The following SULF1 variants were observed in gnomAD, a reference collection of about 807,000 sequenced individuals.
SULF1 encodes extracellular sulfatase Sulf-1.
SULF1 carries 46 observed loss-of-function variants against 110.5 expected under a neutral mutation model. The ratio of observed to expected loss-of-function variants is 0.42; its 90% CI spans 0.33 to 0.53. The LOEUF (loss-of-function observed/expected upper bound fraction) is 0.53. SULF1 is among the 20% of genes least tolerant of loss of function. SULF1 has a pLI of 0.12. For missense variants in SULF1, 941 were observed against 1,094.2 expected, an observed-to-expected ratio of 0.86 and a Z score of 1.98; for synonymous variants, 371 against 387.1, an observed-to-expected ratio of 0.96 and a Z score of 0.49.
Position 69,599,915 on chromosome 8 carries a change from C to G in SULF1, c.735-688C>G, listed in dbSNP as rs192483340. On this transcript the variant is annotated intron_variant, in intron 8 of 22. Transcript: ENST00000402687. The stretch of plus-strand genomic sequence containing the variant: ...TAAATATAGACTTGAACTAACCTAT[C>G]CTGGAACAATAGGACAATATCCTTG... 1.1e-4 allele frequency among the ~76,000 whole-genome samples: 17 copies of G among 152,222 alleles called. No individual in the cohort carries two copies. The East Asian group carries it at 2.9e-3, about 26-fold the overall frequency.
Position 69,604,843 on chromosome 8 carries a change from C to T in SULF1, c.1288C>T (p.Gln430Ter). The change falls in exon 13 of 23, where the codon CAA becomes TAA. Residue 430 changes from glutamine (Q) to a stop codon, truncating the protein, a stop_gained. Transcript: ENST00000402687. LOFTEE classifies it high-confidence loss of function. ...GAAGGAAGAATCCAGCAAGAATATC[C>T]AACAGTCAAATCACTTGCCCAAATA... ...RKKEESSKNI[Q>*]QSNHLPKYER... The T allele has an allele frequency of 6.2e-7, 1 of 1,614,052 alleles. No homozygotes were observed. Among genetic ancestry groups the T allele is most frequent in the Non-Finnish European group, 8.5e-7 (1 of 1,180,004 alleles).
At chr8:69,637,397 C>T (rs766893652) in intron 19 of SULF1, among the ~76,000 whole-genome samples, 3 of 152,162 alleles carry the variant, frequency 2.0e-5, no homozygotes, top group Non-Finnish European at 2.9e-5. Context: ...GAGTTGTCTC[C>T]GCTGCTTTAC....
At chr8:69,628,334 C>T (rs767465308) in intron 18 of SULF1, 98 bp downstream of exon 18, 88 of 1,012,852 alleles carry the variant, frequency 8.7e-5, no homozygotes, top group Middle Eastern at 2.1e-4. Context: ...CCTGCAGTGC[C>T]GCTTCAGAAG....
intron 5 of SULF1, among the ~76,000 whole-genome samples, chr8:69,575,136 CT>C (rs1805510081): frequency 6.6e-6 from 1 of 151,530 alleles, no homozygotes; most frequent in African/African-American, 2.4e-5. Context: ...CTGGCCTGTG[CT>C]TTTCTGCAGT....
At chr8:69,619,979 C>T (rs1046495345) in intron 13 of SULF1, among the ~76,000 whole-genome samples, 5 of 152,154 alleles carry the variant, frequency 3.3e-5, no homozygotes, top group Admixed American at 6.5e-5. Context: ...GACAGCTTTC[C>T]GTATTCCAAG....
chr8:69,622,788 T>C (rs1027957222), intron 14 of SULF1, among the ~76,000 whole-genome samples: 1 of 152,256 alleles, frequency 6.6e-6, no homozygotes, highest in East Asian at 1.9e-4. Context: ...TCAAACTGTA[T>C]GGAATCTTGT....
Position 69,616,227 on chromosome 8 carries a change from TATA to T in SULF1, c.1378-4807_1378-4805del, listed in dbSNP as rs1563590523. 2.4e-3 allele frequency among the ~76,000 whole-genome samples: 315 copies of T among 129,828 alleles called. 6 individuals carry two copies. In the East Asian group the frequency reaches 0.03, roughly 12 times the overall value. 85.2% of individuals were successfully genotyped at this position (129,828 alleles called of 152,430 possible). A position where few individuals can be genotyped will look rare whatever the true frequency, so the allele number is the denominator to read the frequency against. On this transcript the variant is annotated intron_variant, in intron 13 of 22. Coordinates refer to ENST00000402687, the MANE Select transcript of SULF1 (RefSeq NM_001128205.2). ...ATGTGTGTGTATATATATATATATA[TATA>T]TTTTTTTGAGACGGAGTCTTGCTCT...
intron 11 of SULF1, 86 bp downstream of exon 11, chr8:69,603,406 G>C: frequency 6.3e-7 from 1 of 1,598,084 alleles, no homozygotes; most frequent in Non-Finnish European, 8.6e-7. Context: ...TGAAGACATG[G>C]AGGCAGAATA....
chr8:69,516,474 T>C (rs1354560315), intron 3 of SULF1, among the ~76,000 whole-genome samples: 1 of 152,082 alleles, frequency 6.6e-6, no homozygotes, highest in African/African-American at 2.4e-5. Flanking sequence ...AATTACCGCC[T>C]ACCAGGCCCC....
intron 2 of SULF1, among the ~76,000 whole-genome samples, chr8:69,497,898 A>G (rs1004712838): frequency 6.6e-6 from 1 of 152,208 alleles, no homozygotes; most frequent in Admixed American, 6.5e-5. Flanking sequence ...ATCAAGCTTA[A>G]CTTCTCGATA....
chr8:69,600,559 T>A, intron 8 of SULF1, 44 bp from the exon 9 acceptor site: 1 of 1,521,776 alleles, frequency 6.6e-7, no homozygotes. Context: ...CCTAAAAGAC[T>A]AAGTAAGAAA....
At chr8:69,657,978 G>A (rs1812853348) in intron 22 of SULF1, among the ~76,000 whole-genome samples, 1 of 152,200 alleles carries the variant, frequency 6.6e-6, no homozygotes, top group South Asian at 2.1e-4. Flanking sequence ...TTGATTTGAA[G>A]AGCTTAATTG....
intron 13 of SULF1, among the ~76,000 whole-genome samples, chr8:69,618,691 A>G (rs1194088221): frequency 6.6e-6 from 1 of 152,236 alleles, no homozygotes; most frequent in Non-Finnish European, 1.5e-5. Flanking sequence ...ATATGGCTTG[A>G]AACAACCAAA....
Position 69,526,611 on chromosome 8 carries a change from A to AAAG in SULF1, c.-134+24645_-134+24646insGAA, listed in dbSNP as rs1554570776. ...ACAGTATCTCTACCAAAAAAAAAAAAAAAGAAAGAAAGAAAGAAAGAAAAG... is the reference window on the plus strand; with the variant it reads ...ACAGTATCTCTACCAAAAAAAAAAAAAAGAAAGAAAGAAAGAAAGAAAGAAAAG... On this transcript the variant is annotated intron_variant, in intron 3 of 22. Coordinates refer to ENST00000402687, the MANE Select transcript of SULF1 (RefSeq NM_001128205.2). 7.5e-3 allele frequency among the ~76,000 whole-genome samples: 1,026 copies of AAAG among 135,924 alleles called. 18 individuals carry two copies. Among genetic ancestry groups the AAAG allele is most frequent in the African/African-American group, 0.029 (914 of 32,042 alleles). 89.2% of individuals were successfully genotyped at this position (135,924 alleles called of 152,430 possible).
chr8:69,566,215 C>A (rs944145416), intron 5 of SULF1, among the ~76,000 whole-genome samples: 8 of 152,126 alleles, frequency 5.3e-5, no homozygotes, highest in Non-Finnish European at 1.5e-5. Context: ...ACTAAACTAA[C>A]TTGAAATGGA....
In SULF1 at chr8:69,591,563, T is replaced by TA. The variant is rs1305544564; in HGVS notation, c.734+2433dup. 7.9e-3 allele frequency among the ~76,000 whole-genome samples: 1,132 copies of TA among 143,150 alleles called. 6 individuals are homozygous for TA. The highest frequency in any genetic ancestry group is 0.013 in the South Asian group (57 of 4,436). The allele number at this position is 143,150 out of a possible 152,430, so 93.9% of individuals were successfully genotyped here. The stretch of plus-strand genomic sequence containing the variant: ...TCGGCGACAGAGCAAGACTCTGTCT[T>TA]AAAAAAAAAAACAAAGAAAAGAAAA... On this transcript the variant is annotated intron_variant, in intron 8 of 22. Coordinates refer to ENST00000402687, the MANE Select transcript of SULF1 (RefSeq NM_001128205.2).
intron 1 of SULF1, among the ~76,000 whole-genome samples, chr8:69,475,617 T>G (rs1809270633): frequency 6.6e-6 from 1 of 152,148 alleles, no homozygotes; most frequent in African/African-American, 2.4e-5. Context: ...AAATGGAATT[T>G]CATTCGGCAA....
chr8:69,625,684 G>T (rs966222246), intron 15 of SULF1, among the ~76,000 whole-genome samples: 8 of 152,312 alleles, frequency 5.3e-5, no homozygotes, highest in East Asian at 3.9e-4. Context: ...GATCTTCGCG[G>T]TGAGTGTTAC....
intron 3 of SULF1, among the ~76,000 whole-genome samples, chr8:69,560,440 T>G (rs2150712971): frequency 6.6e-6 from 1 of 152,338 alleles, no homozygotes; most frequent in East Asian, 1.9e-4. Context: ...TTGTAAACTT[T>G]CCACACCAAT....
Sources: gnomAD v4.1 joint callset for allele counts (sites outside exome capture counted in the v4.1 genomes callset) on GRCh38, gnomAD v4.1.1 for gene constraint, MANE v1.5 for transcripts, NCBI Gene and HGNC (gene_info 2026-07-23, HGNC 2026-07-21) for gene names.